IL1RAPL1: variants seen among roughly 807,000 people sequenced by gnomAD.
The protein encoded by IL1RAPL1 is interleukin-1 receptor accessory protein-like 1.
In IL1RAPL1, 3 loss-of-function variants were observed where a neutral mutation model predicts 48.4. That is an observed-to-expected ratio of 0.06 (90% CI 0.03 to 0.16). The LOEUF (loss-of-function observed/expected upper bound fraction) is 0.16, where lower values mean the gene tolerates loss of function less well. IL1RAPL1 is among the 10% of genes least tolerant of loss of function. IL1RAPL1 has a pLI of 1.00. For synonymous variants in IL1RAPL1, 185 were observed against 187.7 expected, an observed-to-expected ratio of 0.99 and a Z score of 0.12; for missense variants, 349 against 530.6, an observed-to-expected ratio of 0.66 and a Z score of 3.36.
At chrX:28,936,352 A>T (rs1195837734) in intron 2 of IL1RAPL1, among the ~76,000 whole-genome samples, 2 of 109,505 alleles carry the variant, frequency 1.8e-5, no homozygotes, top group African/African-American at 3.3e-5. Flanking sequence ...TGAAAATTAT[A>T]AAAAAAAATT....
chrX:28,758,011 A>G (rs1936124359), intron 1 of IL1RAPL1, among the ~76,000 whole-genome samples: 1 of 112,349 alleles, frequency 8.9e-6, no homozygotes, highest in South Asian at 3.7e-4. Context: ...ACATGTGACT[A>G]CATTCTAGAC....
At chrX:29,663,282 T>A (rs1925900259) in intron 5 of IL1RAPL1, among the ~76,000 whole-genome samples, 2 of 112,271 alleles carry the variant, frequency 1.8e-5, no homozygotes, top group Admixed American at 1.9e-4. Flanking sequence ...ATGGAGTGAG[T>A]CAGTGCAATT....
chrX:29,184,593 C>A (rs780952305), intron 2 of IL1RAPL1, among the ~76,000 whole-genome samples: 1 of 111,047 alleles, frequency 9.0e-6, no homozygotes, highest in African/African-American at 3.3e-5. Context: ...CTCTGCCTCC[C>A]GGATTCAAGT....
intron 2 of IL1RAPL1, among the ~76,000 whole-genome samples, chrX:28,997,293 T>C (rs1184031033): frequency 8.9e-6 from 1 of 111,996 alleles, no homozygotes. Flanking sequence ...TGAAGAGGAA[T>C]TTTATTAAAT....
At chrX:29,058,924 T>C (rs1014316154) in intron 2 of IL1RAPL1, among the ~76,000 whole-genome samples, 4 of 112,190 alleles carry the variant, frequency 3.6e-5, no homozygotes, top group Admixed American at 1.9e-4. Flanking sequence ...TGACTTATAG[T>C]CAGTATTGAA....
chrX:29,805,416 C>T (rs991580265), intron 6 of IL1RAPL1, among the ~76,000 whole-genome samples: 2 of 108,838 alleles, frequency 1.8e-5, no homozygotes, highest in African/African-American at 6.9e-5. Context: ...CACACACATG[C>T]ACGCACACAC....
chrX:29,661,918 A>G (rs189980435), intron 5 of IL1RAPL1, among the ~76,000 whole-genome samples: 9 of 111,503 alleles, frequency 8.1e-5, no homozygotes, highest in African/African-American at 2.9e-4. Flanking sequence ...GACTGCCTCA[A>G]CATCTTCCTC....
intron 2 of IL1RAPL1, among the ~76,000 whole-genome samples, chrX:29,198,768 A>G (rs1222194723): frequency 9.0e-6 from 1 of 111,643 alleles, no homozygotes; most frequent in Admixed American, 9.6e-5. Context: ...AAAGTATAGA[A>G]TGCAAGACCC....
chrX:29,581,433 T>C (rs1427962017), intron 5 of IL1RAPL1, among the ~76,000 whole-genome samples: 1 of 111,921 alleles, frequency 8.9e-6, no homozygotes, highest in Non-Finnish European at 1.9e-5. Flanking sequence ...GACTACCCAG[T>C]TGGCTTTTTC....
intron 2 of IL1RAPL1, among the ~76,000 whole-genome samples, chrX:29,214,490 T>C (rs1460347981): frequency 4.5e-5 from 5 of 111,592 alleles, no homozygotes; most frequent in Non-Finnish European, 9.4e-5. Context: ...TAGGAGTATA[T>C]TGTAGTGTTC....
At chrX:29,418,500 T>G (rs1362567590) in intron 5 of IL1RAPL1, among the ~76,000 whole-genome samples, 1 of 111,313 alleles carries the variant, frequency 9.0e-6, no homozygotes, top group Non-Finnish European at 1.9e-5. Context: ...TGTATCAACT[T>G]TTATAAGTCC....
chrX:29,245,275 C>A (rs1360640583), intron 2 of IL1RAPL1, among the ~76,000 whole-genome samples: 1 of 110,951 alleles, frequency 9.0e-6, no homozygotes, highest in African/African-American at 3.3e-5. Context: ...ATTTATAATC[C>A]TCTGGGTATA....
At chrX:28,653,861 T>C (rs1455793313) in intron 1 of IL1RAPL1, among the ~76,000 whole-genome samples, 2 of 111,919 alleles carry the variant, frequency 1.8e-5, no homozygotes, top group Non-Finnish European at 3.8e-5. Flanking sequence ...TATTTTGTAA[T>C]TAGATCTCTC....
intron 6 of IL1RAPL1, among the ~76,000 whole-genome samples, chrX:29,877,752 G>A (rs1166486423): frequency 6.3e-5 from 7 of 111,278 alleles, no homozygotes; most frequent in Non-Finnish European, 1.3e-4. Context: ...GTGAGTCCCT[G>A]GTACCTGTGA....
intron 5 of IL1RAPL1, among the ~76,000 whole-genome samples, chrX:29,646,711 G>GA (rs374029622): frequency 0.03 from 2,942 of 99,108 alleles, 116 homozygotes; most frequent in African/African-American, 0.1. Flanking sequence ...TACACAGCAA[G>GA]AAAAAAAAAA....
chrX:29,201,213 T>C, intron 2 of IL1RAPL1, among the ~76,000 whole-genome samples: 1 of 112,285 alleles, frequency 8.9e-6, no homozygotes, highest in Middle Eastern at 4.6e-3. Context: ...TATTTACCAA[T>C]TTTATGTCTT....
rs1482103296 is a variant in IL1RAPL1, at chrX:29,041,271, A to T, written c.83-241667A>T. 6.3e-5 allele frequency among the ~76,000 whole-genome samples: 7 copies of T among 111,390 alleles called. No homozygotes were observed. In the Admixed American group the frequency reaches 6.7e-4, roughly 11 times the overall value. ...TCTGCTTTCCCTGAGATCCCATGGG[A>T]CGTATCTGCAGGCAGGGGGGTGGAA... On this transcript the variant is annotated intron_variant, in intron 2 of 10. Transcript: ENST00000378993.
At chrX:29,205,860 G>T (rs1282150063) in intron 2 of IL1RAPL1, among the ~76,000 whole-genome samples, 4 of 108,646 alleles carry the variant, frequency 3.7e-5, no homozygotes, top group Non-Finnish European at 5.7e-5. Flanking sequence ...TCAGCCTCCT[G>T]AGTAGCTGGG....
intron 2 of IL1RAPL1, among the ~76,000 whole-genome samples, chrX:29,090,774 T>C (rs761679967): frequency 1.8e-5 from 2 of 111,954 alleles, no homozygotes; most frequent in South Asian, 3.7e-4. Context: ...AATTAGAATA[T>C]GTTGAAGGTT....
Sources: allele counts gnomAD v4.1 joint callset (sites outside exome capture counted in the v4.1 genomes callset), GRCh38; gene constraint gnomAD v4.1.1; transcripts MANE v1.5; gene names NCBI Gene and HGNC (gene_info 2026-07-23, HGNC 2026-07-21).